CTTN: variants seen among roughly 807,000 people sequenced by gnomAD.
CTTN encodes the protein src substrate cortactin.
In CTTN, 28 loss-of-function variants were observed where a neutral mutation model predicts 84.0. The ratio of observed to expected loss-of-function variants is 0.33; its 90% CI spans 0.25 to 0.46. CTTN has a LOEUF of 0.46. Among genes scored for constraint, CTTN ranks in the 20% least tolerant of loss-of-function variants. The pLI, the probability that CTTN is intolerant of heterozygous loss-of-function variation, is 1.00. For synonymous variants in CTTN, 301 were observed against 288.8 expected, an observed-to-expected ratio of 1.04 and a Z score of -0.43; for missense variants, 641 against 723.8, an observed-to-expected ratio of 0.89 and a Z score of 1.31.
chr11:70,410,977 C>T, intron 5 of CTTN, among the ~76,000 whole-genome samples: 1 of 152,140 alleles, frequency 6.6e-6, no homozygotes, highest in East Asian at 1.9e-4. Flanking sequence ...AAACCACGAC[C>T]ATAAATAGCC....
At position 70,435,253 on chromosome 11, in the gene CTTN, G is replaced by GTTTTTTCTTT; in HGVS notation, c.*97_*98insCTTTTTTTTT. On this transcript the variant is annotated 3_prime_UTR_variant, in exon 18 of 18. Coordinates refer to ENST00000301843, the MANE Select transcript of CTTN (RefSeq NM_005231.4). Reference sequence around the variant, plus strand: ...TCTTGGGTGGTTTTGGGTTTTTTCTGTTTTTTTTTTTTTTTTTTTTTTTTT... The same window carrying GTTTTTTCTTT: ...TCTTGGGTGGTTTTGGGTTTTTTCTGTTTTTTCTTTTTTTTTTTTTTTTTTTTTTTTTTTT... The GTTTTTTCTTT allele has an allele frequency of 1.1e-6, 1 of 936,826 alleles. No homozygotes were observed. Among genetic ancestry groups the GTTTTTTCTTT allele is most frequent in the South Asian group, 2.7e-5 (1 of 37,282 alleles). 58.0% of individuals were successfully genotyped at this position (936,826 alleles called of 1,614,324 possible). A position where few individuals can be genotyped will look rare whatever the true frequency, so the allele number is the denominator to read the frequency against.
At chr11:70,410,156 G>C (rs1591434290) in intron 5 of CTTN, 196 bp downstream of exon 5, 2 of 551,918 alleles carry the variant, frequency 3.6e-6, no homozygotes, top group Non-Finnish European at 6.4e-6. Context: ...AGCTCTTTAG[G>C]AATCCTCAGA....
At chr11:70,408,973 T>G (rs1364375267) in intron 4 of CTTN, among the ~76,000 whole-genome samples, 1 of 151,874 alleles carries the variant, frequency 6.6e-6, no homozygotes, top group South Asian at 2.1e-4. Flanking sequence ...AAAAAACAAC[T>G]CTCCAGTACA....
chr11:70,433,482 C>A, intron 16 of CTTN, 165 bp from the exon 17 acceptor site: 1 of 770,426 alleles, frequency 1.3e-6, no homozygotes. Flanking sequence ...CAGGAAGATC[C>A]CCATTGTGCT....
chr11:70,423,670 G>T (rs188070309), intron 12 of CTTN, among the ~76,000 whole-genome samples: 1 of 152,174 alleles, frequency 6.6e-6, no homozygotes, highest in African/African-American at 2.4e-5. Flanking sequence ...GTGGGCCTGG[G>T]TGGGACAGGA....
At chr11:70,433,397 T>C in intron 16 of CTTN, 119 bp downstream of exon 16, 1 of 1,088,272 alleles carries the variant, frequency 9.2e-7, no homozygotes, top group Non-Finnish European at 1.3e-6. Context: ...CTTTGCTTGC[T>C]TGCTATAGGG....
chr11:70,412,468 G>T (rs76241088), intron 5 of CTTN, among the ~76,000 whole-genome samples: 1 of 151,972 alleles, frequency 6.6e-6, no homozygotes, highest in African/African-American at 2.4e-5. Flanking sequence ...AAGGGGAAAC[G>T]GCTTAAGTTA....
intron 7 of CTTN, 27 bp from the exon 8 acceptor site, chr11:70,416,986 G>A (rs770077457): frequency 5.8e-6 from 9 of 1,550,446 alleles, no homozygotes; most frequent in African/African-American, 1.4e-5. Flanking sequence ...TCAGGCCCCC[G>A]TGCTAATTGC....
intron 8 of CTTN, among the ~76,000 whole-genome samples, chr11:70,418,736 G>A (rs73518270): frequency 0.024 from 3,639 of 151,738 alleles, 152 homozygotes; most frequent in African/African-American, 0.084. Context: ...GCTTCTGGAT[G>A]CAATGGATGA....
chr11:70,436,204 AGT>A lies in CTTN; in HGVS notation c.*1049_*1050del. The A allele has an allele frequency of 3.2e-6, 5 of 1,556,644 alleles. No individual in the cohort carries two copies. The Admixed American group carries it at 5.6e-5, about 17-fold the overall frequency. The stretch of plus-strand genomic sequence containing the variant: ...AGGCTAGAAGTGTGAAGTGCAGATG[AGT>A]GTGTGTTCTTCCCCAAGGTCCCCCC... On this transcript the variant is annotated 3_prime_UTR_variant, in exon 18 of 18. Coordinates refer to ENST00000301843, the MANE Select transcript of CTTN (RefSeq NM_005231.4).
chr11:70,404,538 C>T (rs1009658008), intron 1 of CTTN, among the ~76,000 whole-genome samples: 1 of 152,160 alleles, frequency 6.6e-6, no homozygotes, highest in Non-Finnish European at 1.5e-5. Flanking sequence ...ATATCATGAT[C>T]CTCTCAAGGA....
At chr11:70,413,276 G>C (rs2058115981) in intron 5 of CTTN, among the ~76,000 whole-genome samples, 1 of 152,188 alleles carries the variant, frequency 6.6e-6, no homozygotes, top group African/African-American at 2.4e-5. Flanking sequence ...GTGAGAAGAG[G>C]GGTCCCGATG....
rs1046830447 is a variant in CTTN, at chr11:70,398,634, GC to G, written c.-98+23del. On this transcript the variant is annotated intron_variant, in intron 1 of 17. Coordinates refer to ENST00000301843, the MANE Select transcript of CTTN (RefSeq NM_005231.4). ...GCGGCGGTGAGCGAGCGCGGCGTCC[GC>G]CCGGGGTGCAGGCCGGGCTCTGCTT... 5.9e-5 allele frequency: 9 copies of G among 152,162 alleles called. No homozygotes were observed. Among genetic ancestry groups the G allele is most frequent in the African/African-American group, 9.7e-5 (4 of 41,450 alleles). 9.4% of individuals were successfully genotyped at this position (152,162 alleles called of 1,614,324 possible).
chr11:70,424,100 T>C (rs2058274384), intron 12 of CTTN, among the ~76,000 whole-genome samples: 1 of 151,012 alleles, frequency 6.6e-6, no homozygotes, highest in African/African-American at 2.4e-5. Flanking sequence ...GAGAGAGAGC[T>C]GGGGTAGGGC....
At chr11:70,406,157 A>G (rs975631958) in intron 2 of CTTN, among the ~76,000 whole-genome samples, 1 of 152,226 alleles carries the variant, frequency 6.6e-6, no homozygotes, top group Admixed American at 6.5e-5. Context: ...TAGTCCTGCT[A>G]CACCCCTTGG....
At chr11:70,430,678 G>A (rs985753643) in intron 14 of CTTN, among the ~76,000 whole-genome samples, 15 of 152,118 alleles carry the variant, frequency 9.9e-5, no homozygotes, top group African/African-American at 2.9e-4. Context: ...TCATCCTTTG[G>A]CCCCTAAAGC....
intron 7 of CTTN, chr11:70,416,752 T>A: frequency 2.6e-6 from 1 of 387,164 alleles, no homozygotes; most frequent in South Asian, 4.3e-5. Context: ...ATTTTCAAAG[T>A]GGGCATGCAG....
chr11:70,411,707 A>G (rs1251292929), intron 5 of CTTN, among the ~76,000 whole-genome samples: 2 of 151,994 alleles, frequency 1.3e-5, no homozygotes, highest in African/African-American at 4.8e-5. Flanking sequence ...TTCAGCGCGA[A>G]TCTCGCTCAC....
At chr11:70,408,657 C>T (rs2058069508) in intron 4 of CTTN, among the ~76,000 whole-genome samples, 1 of 152,214 alleles carries the variant, frequency 6.6e-6, no homozygotes, top group South Asian at 2.1e-4. Context: ...GCCTCAGCCT[C>T]CCAAAGTGCT....
Sources: gnomAD v4.1 joint callset for allele counts (sites outside exome capture counted in the v4.1 genomes callset) on GRCh38, gnomAD v4.1.1 for gene constraint, MANE v1.5 for transcripts, NCBI Gene and HGNC (gene_info 2026-07-23, HGNC 2026-07-21) for gene names.